Variants in TRNT1 observed in about 807,000 individuals in gnomAD.
The protein encoded by TRNT1 is CCA tRNA nucleotidyltransferase 1, mitochondrial.
TRNT1 carries 44 observed loss-of-function variants against 45.6 expected under a neutral mutation model. The ratio of observed to expected loss-of-function variants is 0.97; its 90% CI spans 0.76 to 1.24. The LOEUF is 1.24. TRNT1 is among the 50% of genes most tolerant of loss of function. The pLI is 0.00. For missense variants in TRNT1, 633 were observed against 504.4 expected (o/e 1.25, Z -2.44); for synonymous variants, 201 against 171.4 (o/e 1.17, Z -1.35).
At position 3,147,913 on chromosome 3, in the gene TRNT1, A is replaced by C; in HGVS notation, c.1064A>C (p.Glu355Ala). The C allele has an allele frequency of 6.2e-7, 1 of 1,611,820 alleles. No homozygotes were observed. The highest frequency in any genetic ancestry group is 8.5e-7 in the Non-Finnish European group (1 of 1,178,750). Reference sequence around the variant, plus strand: ...TTTGATTTTGACACGTAGTCTAGGGAACCTGATGCAACTACTCGTGTATGT... The same window carrying C: ...TTTGATTTTGACACGTAGTCTAGGGCACCTGATGCAACTACTCGTGTATGT... ...PYQDFIIDSR[E>A]PDATTRVCEL... The change falls in exon 8 of 8, where the codon GAA (glutamate) becomes GCA (alanine). Residue 355 changes from glutamate (E) to alanine (A), a missense_variant. By Grantham distance (107) the Glu-to-Ala change is moderately radical. Transcript: ENST00000251607.
At chr3:3,142,106 A>G (rs938899860) in intron 4 of TRNT1, among the ~76,000 whole-genome samples, 25 of 152,222 alleles carry the variant, frequency 1.6e-4, no homozygotes, top group Admixed American at 6.5e-5. Flanking sequence ...ATGTAGTCAG[A>G]GCTCCAGGTA....
At chr3:3,150,456 T>C (rs1242333714), downstream of TRNT1, 1 of 188,214 alleles carries the variant, frequency 5.3e-6, no homozygotes, top group Admixed American at 5.5e-5. Context: ...CTGGTACAGA[T>C]ACGCTGTCCC....
In TRNT1 at chr3:3,128,777, G is replaced by GTTC. The variant is rs376942917; in HGVS notation, c.-27-235_-27-234insCTT. On this transcript the variant is annotated intron_variant, in intron 1 of 7. Coordinates refer to ENST00000251607, the MANE Select transcript of TRNT1 (RefSeq NM_182916.3). ...CAACCAGTCAGTCAGTACTGAAACA[G>GTTC]TTATGGAGGCCTGCGCTAGTGAGAC... 9.2e-3 allele frequency among the ~76,000 whole-genome samples: 34 copies of GTTC among 3,682 alleles called. No individual in the cohort carries two copies. The Non-Finnish European group carries it at 0.35, about 38-fold the overall frequency. The allele number at this position is 3,682 out of a possible 152,430, so 2.4% of individuals were successfully genotyped here. A position where few individuals can be genotyped will look rare whatever the true frequency, so the allele number is the denominator to read the frequency against.
At chr3:3,136,060 T>C (rs982789519) in intron 2 of TRNT1, among the ~76,000 whole-genome samples, 3 of 152,144 alleles carry the variant, frequency 2.0e-5, no homozygotes, top group Non-Finnish European at 4.4e-5. Flanking sequence ...TTCCTAGAAG[T>C]TGAGTACAGT....
At chr3:3,151,067 T>C (rs200041061), downstream of TRNT1, 24 of 1,612,660 alleles carry the variant, frequency 1.5e-5, no homozygotes, top group South Asian at 7.7e-5. Context: ...AGGAAAGATA[T>C]CAGCTAAGGA....
intron 1 of TRNT1, among the ~76,000 whole-genome samples, chr3:3,128,287 A>T (rs993186993): frequency 6.6e-6 from 1 of 152,186 alleles, no homozygotes; most frequent in African/African-American, 2.4e-5. Context: ...GTTTAATTCT[A>T]AACGGGTCCT....
At chr3:3,150,979 G>A (rs959958369), downstream of TRNT1, 5 of 1,613,800 alleles carry the variant, frequency 3.1e-6, no homozygotes, top group South Asian at 3.3e-5. Flanking sequence ...TGTCTTTTTT[G>A]GTGGCCGTAA....
chr3:3,145,774 T>C (rs540765407), intron 5 of TRNT1, among the ~76,000 whole-genome samples: 75 of 152,128 alleles, frequency 4.9e-4, no homozygotes, highest in Non-Finnish European at 8.8e-4. Flanking sequence ...AGAACATAGA[T>C]TAAGACTTAG....
intron 6 of TRNT1, among the ~76,000 whole-genome samples, 160 bp downstream of exon 6, chr3:3,146,783 TG>T (rs1380101719): frequency 6.6e-6 from 1 of 152,286 alleles, no homozygotes; most frequent in African/African-American, 2.4e-5. Context: ...AGTTTTGTCG[TG>T]AGTAGGGAAG....
downstream of TRNT1, among the ~76,000 whole-genome samples, chr3:3,152,073 TTTCA>T (rs1208606367): frequency 2.0e-5 from 3 of 152,152 alleles, no homozygotes; most frequent in Admixed American, 6.5e-5. Context: ...CTTTTCTTCC[TTTCA>T]TTCAATGATA....
rs368078167 is a variant in TRNT1, at chr3:3,147,899, C to G, written c.1057-7C>G. On this transcript the variant is annotated splice_region_variant and splice_polypyrimidine_tract_variant and intron_variant, in intron 7 of 7. Transcript: ENST00000251607. ...GACGAAACTAAATGTTTGATTTTGA[C>G]ACGTAGTCTAGGGAACCTGATGCAA... 2.0e-4 allele frequency: 317 copies of G among 1,602,434 alleles called. No homozygotes were observed. The highest frequency in any genetic ancestry group is 2.5e-4 in the Non-Finnish European group (295 of 1,174,498).
downstream of TRNT1, chr3:3,152,935 T>C (rs1339278984): frequency 6.8e-5 from 22 of 323,178 alleles, no homozygotes; most frequent in Admixed American, 8.7e-4. Context: ...GTGTGGTCAT[T>C]TTGGGGCAGT....
At chr3:3,140,110 T>A (rs995034288) in intron 3 of TRNT1, among the ~76,000 whole-genome samples, 6 of 152,212 alleles carry the variant, frequency 3.9e-5, no homozygotes, top group African/African-American at 1.4e-4. Context: ...AGTCTTTCGC[T>A]CAATGGCAAA....
chr3:3,143,530 C>G (rs942303001), intron 4 of TRNT1, among the ~76,000 whole-genome samples: 7 of 152,206 alleles, frequency 4.6e-5, no homozygotes, highest in African/African-American at 1.7e-4. Flanking sequence ...CCCTTGCTAA[C>G]ACTGTTATCA....
chr3:3,147,398 G>T (rs1001460920), intron 6 of TRNT1, 52 bp from the exon 7 acceptor site: 13 of 1,595,828 alleles, frequency 8.1e-6, no homozygotes, highest in Non-Finnish European at 1.7e-6. Context: ...TAGGATATGA[G>T]TGGTTTTTTA....
At chr3:3,143,734 T>C (rs992481959) in intron 4 of TRNT1, among the ~76,000 whole-genome samples, 2 of 152,070 alleles carry the variant, frequency 1.3e-5, no homozygotes, top group African/African-American at 4.8e-5. Flanking sequence ...AAAAATTAGC[T>C]GTGTGTAGTG....
Position 3,148,196 on chromosome 3 carries a change from A to G in TRNT1, c.*42A>G. Reference sequence around the variant, plus strand: ...AAAGCAGAGCATTTCTGGTAAGACTAAATTTTCTCCCCTCCCTCTTAATGA... The same window carrying G: ...AAAGCAGAGCATTTCTGGTAAGACTGAATTTTCTCCCCTCCCTCTTAATGA... On this transcript the variant is annotated 3_prime_UTR_variant, in exon 8 of 8. Coordinates refer to ENST00000251607, the MANE Select transcript of TRNT1 (RefSeq NM_182916.3). The G allele has an allele frequency of 6.3e-7, 1 of 1,592,972 alleles. No homozygotes were observed. The highest frequency in any genetic ancestry group is 8.5e-7 in the Non-Finnish European group (1 of 1,171,236).
intron 3 of TRNT1, among the ~76,000 whole-genome samples, chr3:3,139,984 C>T (rs997176915): frequency 3.0e-4 from 46 of 152,190 alleles, no homozygotes; most frequent in African/African-American, 1.1e-3. Flanking sequence ...CTGCCTTGAC[C>T]TCCCAAAGTG....
At chr3:3,151,840 A>AAACAAAG (rs1243998578), downstream of TRNT1, among the ~76,000 whole-genome samples, 14 of 57,022 alleles carry the variant, frequency 2.5e-4, no homozygotes, top group African/African-American at 5.9e-4. Flanking sequence ...AACAAACAAA[A>AAACAAAG]GGCAAACTAG....
Sources: gnomAD v4.1 joint callset for allele counts (sites outside exome capture counted in the v4.1 genomes callset) on GRCh38, gnomAD v4.1.1 for gene constraint, MANE v1.5 for transcripts, NCBI Gene and HGNC (gene_info 2026-07-23, HGNC 2026-07-21) for gene names.